OR2B11: variants seen among roughly 807,000 people sequenced by gnomAD.
The protein encoded by OR2B11 is olfactory receptor 2B11.
For missense variants in OR2B11, 422 were observed against 400.0 expected (o/e 1.05, Z -0.47); for synonymous variants, 198 against 174.5 (o/e 1.13, Z -1.06).
At position 247,451,716 on chromosome 1, in the gene OR2B11, C is replaced by G. The variant is rs113567947; in HGVS notation, c.267G>C (p.Met89Ile). The change falls in exon 2 of 2, where the codon ATG (methionine) becomes ATC (isoleucine). Residue 89 changes from methionine to isoleucine, a missense_variant. By Grantham distance (10) the Met-to-Ile change is conservative (BLOSUM62 1). Coordinates refer to ENST00000641149, the MANE Select transcript of OR2B11 (RefSeq NM_001004492.2). ...AGCTGATGGTCTTCTGGGAACTGCC[C>G]ATGTTGACCAGCATCTGAGGGACTG... is the stretch of plus-strand genomic sequence containing the variant. The part of the protein sequence containing the change: ...TTTVPQMLVN[M>I]GSSQKTISYG... 11 of 1,614,152 alleles carry G rather than the reference C, an allele frequency of 6.8e-6. No individual in the cohort carries two copies. The highest frequency in any genetic ancestry group is 9.3e-6 in the Non-Finnish European group (11 of 1,180,004).
At position 247,451,314 on chromosome 1, in the gene OR2B11, G is replaced by A; in HGVS notation, c.669C>T (p.Gly223=). 1 of 1,614,160 alleles carries A rather than the reference G, an allele frequency of 6.2e-7. No individual in the cohort carries two copies. The highest frequency in any genetic ancestry group is 8.5e-7 in the Non-Finnish European group (1 of 1,180,032). ...VPLALILLSY[G]FIARAVLRIQ... The stretch of plus-strand genomic sequence containing the variant: ...TCCTGAGCACTGCCCGGGCAATAAA[G>A]CCATAGGAGAGAAGGATGAGAGCCA... Residue 223 remains glycine (G), a synonymous_variant, in exon 2 of 2, where the codon GGC becomes GGT. Coordinates refer to ENST00000641149, the MANE Select transcript of OR2B11 (RefSeq NM_001004492.2).
At position 247,449,996 on chromosome 1, in the gene OR2B11, C is replaced by CT. The variant is rs140815661; in HGVS notation, c.*1032dup. 2.5e-4 allele frequency: 38 copies of CT among 149,470 alleles called. No individual in the cohort carries two copies. Among genetic ancestry groups the CT allele is most frequent in the South Asian group, 8.5e-4 (4 of 4,680 alleles). The allele number at this position is 149,470 out of a possible 1,614,324, so 9.3% of individuals were successfully genotyped here. On this transcript the variant is annotated 3_prime_UTR_variant, in exon 2 of 2. Coordinates refer to ENST00000641149, the MANE Select transcript of OR2B11 (RefSeq NM_001004492.2). ...GGTATATATCTCACATTTTCTTTTTCTTTTTTTTTTGAGATGGAGTCTTGC... is the reference window on the plus strand; with the variant it reads ...GGTATATATCTCACATTTTCTTTTTCTTTTTTTTTTTGAGATGGAGTCTTGC...
chr1:247,452,023 T>C lies in OR2B11; in HGVS notation c.-41A>G. 1 of 1,229,130 alleles carries C rather than the reference T, an allele frequency of 8.1e-7. No homozygotes were observed. Among genetic ancestry groups the C allele is most frequent in the Non-Finnish European group, 1.2e-6 (1 of 833,588 alleles). The allele number at this position is 1,229,130 out of a possible 1,614,324, so 76.1% of individuals were successfully genotyped here. On this transcript the variant is annotated 5_prime_UTR_variant, in exon 2 of 2. Transcript: ENST00000641149. Reference sequence around the variant, plus strand: ...GGCACTTGTGGCAAATTGAGAAAATTGGAATGAATAATACCTGAGAAGAGG... The same window carrying C: ...GGCACTTGTGGCAAATTGAGAAAATCGGAATGAATAATACCTGAGAAGAGG...
Position 247,451,883 on chromosome 1 carries a change from C to G in OR2B11, c.100G>C (p.Val34Leu). 1 of 1,614,082 alleles carries G rather than the reference C, an allele frequency of 6.2e-7. No homozygotes were observed. The highest frequency in any genetic ancestry group is 1.1e-5 in the South Asian group (1 of 91,088). ...RPWLELPLFVVLLLSYVLAML... is the reference protein window; with the variant it reads ...RPWLELPLFVLLLLSYVLAML... Reference sequence around the variant, plus strand: ...GCCAGCACATAGGACAGCAGGAGGACCACAAAGAGAGGGAGTTCCAGCCAC... The same window carrying G: ...GCCAGCACATAGGACAGCAGGAGGAGCACAAAGAGAGGGAGTTCCAGCCAC... The change falls in exon 2 of 2, where the codon GTC becomes CTC. Residue 34 changes from valine to leucine, a missense_variant. Transcript: ENST00000641149.
At chr1:247,456,152 C>T (rs1664961520) in intron 1 of OR2B11, among the ~76,000 whole-genome samples, 1 of 152,128 alleles carries the variant, frequency 6.6e-6, no homozygotes. Flanking sequence ...TTAAGAAGTT[C>T]ACCTCGTTCA....
rs566625271 is a variant in OR2B11 at position 247,456,278 on chromosome 1, G to A, written c.-3082-1214C>T. ...ATGTCATAATCTGTCACTCTCAAAA[G>A]TAACAAACAGTTCCCCTTTAAAAAA... is the stretch of plus-strand genomic sequence containing the variant. On this transcript the variant is annotated intron_variant, in intron 1 of 1. Coordinates refer to ENST00000641149, the MANE Select transcript of OR2B11 (RefSeq NM_001004492.2). 3.3e-5 allele frequency among the ~76,000 whole-genome samples: 5 copies of A among 152,292 alleles called. No individual in the cohort carries two copies. The East Asian group carries it at 9.6e-4, about 29-fold the overall frequency.
chr1:247,450,954 G>T lies in OR2B11; in HGVS notation c.*75C>A, dbSNP rs1479513327. 4.5e-6 allele frequency: 4 copies of T among 884,792 alleles called. No homozygotes were observed. The highest frequency in any genetic ancestry group is 3.4e-5 in the African/African-American group (2 of 58,734). 54.8% of individuals were successfully genotyped at this position (884,792 alleles called of 1,614,324 possible). A position where few individuals can be genotyped will look rare whatever the true frequency, so the allele number is the denominator to read the frequency against. The stretch of plus-strand genomic sequence containing the variant: ...CTCTCTGGGTATTAACTCCTTAAGT[G>T]AAAGATGCTCTGAGTGCACAATAGA... On this transcript the variant is annotated 3_prime_UTR_variant, in exon 2 of 2. Transcript: ENST00000641149.
intron 1 of OR2B11, among the ~76,000 whole-genome samples, chr1:247,455,396 G>T (rs552162576): frequency 6.6e-6 from 1 of 152,274 alleles, no homozygotes; most frequent in East Asian, 1.9e-4. Flanking sequence ...GCCATCATTG[G>T]GATTACACTC....
chr1:247,457,612 G>A (rs756803521), intron 1 of OR2B11, 27 bp downstream of exon 1: 7 of 152,276 alleles, frequency 4.6e-5, no homozygotes, highest in Non-Finnish European at 1.0e-4. Flanking sequence ...ATTTCAGTTT[G>A]ACTGGAGTTG....
In OR2B11 at chr1:247,451,238, G is replaced by A. The variant is rs1433153760; in HGVS notation, c.745C>T (p.Leu249=). ...AGGTAGAAGAGGGAGACGATCATCA[G>A]GTGGGAGGAACACGTCCCAAAGGCC... is the stretch of plus-strand genomic sequence containing the variant. ...HKAFGTCSSH[L]MIVSLFYLPA... The change falls in exon 2 of 2, where the codon CTG becomes TTG. Residue 249 remains leucine, a synonymous_variant. Coordinates refer to ENST00000641149, the MANE Select transcript of OR2B11 (RefSeq NM_001004492.2). The A allele has an allele frequency of 1.8e-5, 29 of 1,604,896 alleles. No homozygotes were observed. Among genetic ancestry groups the A allele is most frequent in the Non-Finnish European group, 2.1e-5 (25 of 1,173,080 alleles).
At chr1:247,456,944 A>G (rs1389029569) in intron 1 of OR2B11, among the ~76,000 whole-genome samples, 1 of 152,206 alleles carries the variant, frequency 6.6e-6, no homozygotes, top group East Asian at 1.9e-4. Flanking sequence ...TAAAAGCCTC[A>G]TCCCTCAAAT....
intron 1 of OR2B11, among the ~76,000 whole-genome samples, chr1:247,456,641 G>A (rs1174915611): frequency 1.3e-5 from 2 of 150,424 alleles, no homozygotes; most frequent in Non-Finnish European, 3.0e-5. Context: ...TTTAAGTTCT[G>A]GGATACATGT....
rs1430239770 is a variant in OR2B11, at chr1:247,454,285, CTGTTCAGGTG to C, written c.-2313_-2304del. 1 of 152,736 alleles carries C rather than the reference CTGTTCAGGTG, an allele frequency of 6.5e-6. No homozygotes were observed. The highest frequency in any genetic ancestry group is 6.5e-5 in the Admixed American group (1 of 15,298). The allele number at this position is 152,736 out of a possible 1,614,324, so 9.5% of individuals were successfully genotyped here. A position where few individuals can be genotyped will look rare whatever the true frequency, so the allele number is the denominator to read the frequency against. ...CTCATGCCCTGGATCTGATGCCCTT[CTGTTCAGGTG>C]TTTCCACACGGAGCTTTCGTAGGTG... On this transcript the variant is annotated 5_prime_UTR_variant, in exon 2 of 2. The change creates a premature stop within an existing upstream ORF in the 5' untranslated region. Transcript: ENST00000641149.
chr1:247,452,006 T>C lies in OR2B11; in HGVS notation c.-24A>G. 3 of 1,487,696 alleles carry C rather than the reference T, an allele frequency of 2.0e-6. No homozygotes were observed. Among genetic ancestry groups the C allele is most frequent in the Non-Finnish European group, 1.9e-6 (2 of 1,067,822 alleles). 92.2% of individuals were successfully genotyped at this position (1,487,696 alleles called of 1,614,324 possible). On this transcript the variant is annotated 5_prime_UTR_variant, in exon 2 of 2. Coordinates refer to ENST00000641149, the MANE Select transcript of OR2B11 (RefSeq NM_001004492.2). Reference sequence around the variant, plus strand: ...ATGTTGCGGCATTTTCTGGCACTTGTGGCAAATTGAGAAAATTGGAATGAA... The same window carrying C: ...ATGTTGCGGCATTTTCTGGCACTTGCGGCAAATTGAGAAAATTGGAATGAA...
Position 247,449,579 on chromosome 1 carries a change from A to G in OR2B11, c.*1450T>C, listed in dbSNP as rs1423320789. ...CACTTTGCTACTCAAAGTGTAGTCT[A>G]TGAACTGTCGATATAAGGAGCTTGT... On this transcript the variant is annotated 3_prime_UTR_variant, in exon 2 of 2. Transcript: ENST00000641149. The G allele has an allele frequency of 6.6e-6, 1 of 152,238 alleles. No individual in the cohort carries two copies. The highest frequency in any genetic ancestry group is 1.5e-5 in the Non-Finnish European group (1 of 68,046). 9.4% of individuals were successfully genotyped at this position (152,238 alleles called of 1,614,324 possible).
At chr1:247,456,546 T>C (rs887900697) in intron 1 of OR2B11, among the ~76,000 whole-genome samples, 1 of 152,176 alleles carries the variant, frequency 6.6e-6, no homozygotes, top group Non-Finnish European at 1.5e-5. Flanking sequence ...TGCTGTATCA[T>C]TTGGTAATCA....
Position 247,451,249 on chromosome 1 carries a change from C to T in OR2B11, c.734G>A (p.Cys245Tyr). ...GGAGACGATCATCAGGTGGGAGGAA[C>T]ACGTCCCAAAGGCCTTGTGTCGTCC... The part of the protein sequence containing the change: ...SKGRHKAFGT[C>Y]SSHLMIVSLF... Residue 245 changes from cysteine to tyrosine, a missense_variant, in exon 2 of 2, where the codon TGT becomes TAT. Cys to Tyr is a radical substitution (Grantham distance 194). Transcript: ENST00000641149. The T allele has an allele frequency of 6.2e-7, 1 of 1,608,134 alleles. No individual in the cohort carries two copies. Among genetic ancestry groups the T allele is most frequent in the Non-Finnish European group, 8.5e-7 (1 of 1,175,384 alleles).
chr1:247,450,993 C>T lies in OR2B11; in HGVS notation c.*36G>A. ...GTGCACAATAGACTTGTGCTGTGTT[C>T]TTTAATTGATGGAGATGCTACATCT... On this transcript the variant is annotated 3_prime_UTR_variant, in exon 2 of 2. Transcript: ENST00000641149. 1.6e-6 allele frequency: 2 copies of T among 1,268,898 alleles called. No individual in the cohort carries two copies. 78.6% of individuals were successfully genotyped at this position (1,268,898 alleles called of 1,614,324 possible).
Position 247,452,149 on chromosome 1 carries a change from T to C in OR2B11, c.-167A>G. ...GTGGAGACGCTGGGATGCGGAAGGGTCAGAACCAGGAGCCCCAGTAGCAGC... is the reference window on the plus strand; with the variant it reads ...GTGGAGACGCTGGGATGCGGAAGGGCCAGAACCAGGAGCCCCAGTAGCAGC... On this transcript the variant is annotated 5_prime_UTR_variant, in exon 2 of 2. Transcript: ENST00000641149. 1.7e-6 allele frequency: 1 copy of C among 599,194 alleles called. No homozygotes were observed. Among genetic ancestry groups the C allele is most frequent in the Non-Finnish European group, 3.0e-6 (1 of 338,328 alleles). The allele number at this position is 599,194 out of a possible 1,614,324, so 37.1% of individuals were successfully genotyped here. A position where few individuals can be genotyped will look rare whatever the true frequency, so the allele number is the denominator to read the frequency against.
Sources: gnomAD v4.1 joint callset for allele counts (sites outside exome capture counted in the v4.1 genomes callset) on GRCh38, gnomAD v4.1.1 for gene constraint, MANE v1.5 for transcripts, NCBI Gene and HGNC (gene_info 2026-07-23, HGNC 2026-07-21) for gene names.